The following PTGFR variants were observed in gnomAD, a reference collection of about 807,000 sequenced individuals.
PTGFR encodes the protein prostaglandin F2-alpha receptor.
In PTGFR, 15 loss-of-function variants were observed where a neutral mutation model predicts 26.2. The ratio of observed to expected loss-of-function variants is 0.57; its 90% CI spans 0.38 to 0.88. The LOEUF is 0.88. Among genes scored for constraint, PTGFR ranks in the 40% least tolerant of loss-of-function variants. PTGFR has a pLI of 0.00. For synonymous variants in PTGFR, 165 were observed against 151.1 expected (o/e 1.09, Z -0.68); for missense variants, 369 against 427.2 (o/e 0.86, Z 1.20).
At chr1:78,528,894 A>T (rs748134540) in intron 2 of PTGFR, among the ~76,000 whole-genome samples, 101 of 152,176 alleles carry the variant, frequency 6.6e-4, no homozygotes, top group Non-Finnish European at 2.5e-4. Context: ...CAACAAGTAG[A>T]TGGATGCTGA....
intron 1 of PTGFR, among the ~76,000 whole-genome samples, chr1:78,491,576 G>C (rs1649400114): frequency 6.6e-6 from 1 of 152,250 alleles, no homozygotes; most frequent in Admixed American, 6.5e-5. Context: ...CCCGGGATGA[G>C]GGAGAAAACA....
intron 2 of PTGFR, among the ~76,000 whole-genome samples, chr1:78,521,948 G>C (rs1376823865): frequency 6.6e-6 from 1 of 152,096 alleles, no homozygotes; most frequent in Non-Finnish European, 1.5e-5. Context: ...TTATCTCACA[G>C]TTCTGTAGGT....
rs1208465186 is a variant in PTGFR at position 78,538,658 on chromosome 1, G to T, written c.*1971G>T. 6.6e-6 allele frequency: 1 copy of T among 151,922 alleles called. No homozygotes were observed. Among genetic ancestry groups the T allele is most frequent in the Non-Finnish European group, 1.5e-5 (1 of 67,964 alleles). 9.4% of individuals were successfully genotyped at this position (151,922 alleles called of 1,614,324 possible). A position where few individuals can be genotyped will look rare whatever the true frequency, so the allele number is the denominator to read the frequency against. ...GAGTTTCATTTCTGTTATTATATGT[G>T]TTGCATGTAGCTTGGCGATTTACTG... On this transcript the variant is annotated 3_prime_UTR_variant, in exon 3 of 3. Coordinates refer to ENST00000370757, the MANE Select transcript of PTGFR (RefSeq NM_000959.4).
At chr1:78,498,297 C>T (rs889789120) in intron 2 of PTGFR, among the ~76,000 whole-genome samples, 1 of 152,110 alleles carries the variant, frequency 6.6e-6, no homozygotes, top group Non-Finnish European at 1.5e-5. Flanking sequence ...GTCTTGAGCA[C>T]TTGCCTCAAT....
At chr1:78,512,286 T>A (rs1397181590) in intron 2 of PTGFR, among the ~76,000 whole-genome samples, 3 of 152,188 alleles carry the variant, frequency 2.0e-5, no homozygotes, top group African/African-American at 7.2e-5. Context: ...AGTTCATTTT[T>A]TATATTGCTA....
chr1:78,492,890 C>A lies in PTGFR; in HGVS notation c.147C>A (p.Ala49=), dbSNP rs557932470. 273 of 1,614,242 alleles carry A rather than the reference C, an allele frequency of 1.7e-4. 4 individuals are homozygous for A. The South Asian group carries it at 2.8e-3, about 16-fold the overall frequency. ...TCTTGTCAAACAGCCTTGCCATCGC[C>A]ATTCTCATGAAGGCATATCAGAGAT... is the stretch of plus-strand genomic sequence containing the variant. ...VGILSNSLAI[A]ILMKAYQRFR... Residue 49 remains alanine, a synonymous_variant, in exon 2 of 3, where the codon GCC becomes GCA. Coordinates refer to ENST00000370757, the MANE Select transcript of PTGFR (RefSeq NM_000959.4).
At chr1:78,534,747 C>CT (rs1236253736) in intron 2 of PTGFR, among the ~76,000 whole-genome samples, 2 of 151,638 alleles carry the variant, frequency 1.3e-5, no homozygotes, top group African/African-American at 4.8e-5. Flanking sequence ...TGGCAATTTG[C>CT]TTTTTAAAAG....
chr1:78,497,227 A>G (rs184882842), intron 2 of PTGFR, among the ~76,000 whole-genome samples: 54 of 152,334 alleles, frequency 3.5e-4, no homozygotes, highest in Non-Finnish European at 4.4e-5. Context: ...TTTTTACAAT[A>G]TCTGGGTTTT....
At chr1:78,535,938 C>G (rs1313751862) in intron 2 of PTGFR, among the ~76,000 whole-genome samples, 3 of 152,054 alleles carry the variant, frequency 2.0e-5, no homozygotes, top group African/African-American at 7.2e-5. Flanking sequence ...AGTTAAGAAG[C>G]AGAAAATCTC....
chr1:78,521,393 A>T (rs933039343), intron 2 of PTGFR, among the ~76,000 whole-genome samples: 5 of 152,140 alleles, frequency 3.3e-5, no homozygotes, highest in African/African-American at 1.2e-4. Context: ...TGCCTGTGCC[A>T]TTCTGATTGA....
intron 2 of PTGFR, among the ~76,000 whole-genome samples, chr1:78,518,801 C>T (rs1047089823): frequency 1.3e-5 from 2 of 152,032 alleles, no homozygotes; most frequent in African/African-American, 4.8e-5. Flanking sequence ...CAGAGATTAT[C>T]ATTTTATTTT....
chr1:78,529,168 T>A (rs2100396214), intron 2 of PTGFR, among the ~76,000 whole-genome samples: 1 of 152,268 alleles, frequency 6.6e-6, no homozygotes, highest in South Asian at 2.1e-4. Context: ...AAAAACATAA[T>A]GTGTTATAGG....
chr1:78,521,206 C>A (rs1216823813), intron 2 of PTGFR, among the ~76,000 whole-genome samples: 1 of 152,084 alleles, frequency 6.6e-6, no homozygotes, highest in Non-Finnish European at 1.5e-5. Flanking sequence ...CATTCCTTTT[C>A]CCCCGATTAT....
At chr1:78,512,759 G>A (rs138550218) in intron 2 of PTGFR, among the ~76,000 whole-genome samples, 1 of 152,274 alleles carries the variant, frequency 6.6e-6, no homozygotes, top group African/African-American at 2.4e-5. Context: ...CCTGGTGAGA[G>A]GTGACAGAAT....
At position 78,538,164 on chromosome 1, in the gene PTGFR, G is replaced by T. The variant is rs1055775112; in HGVS notation, c.*1477G>T. On this transcript the variant is annotated 3_prime_UTR_variant, in exon 3 of 3. Coordinates refer to ENST00000370757, the MANE Select transcript of PTGFR (RefSeq NM_000959.4). ...AGTTACTTAAGAGTGTTGATGTCTT[G>T]TGAACAGAGATATAAGGAACCATTC... 6.6e-6 allele frequency: 1 copy of T among 152,042 alleles called. No homozygotes were observed. The highest frequency in any genetic ancestry group is 2.4e-5 in the African/African-American group (1 of 41,420). 9.4% of individuals were successfully genotyped at this position (152,042 alleles called of 1,614,324 possible). A position where few individuals can be genotyped will look rare whatever the true frequency, so the allele number is the denominator to read the frequency against.
rs1413539234 is a variant in PTGFR, at chr1:78,537,331, C to T, written c.*644C>T. 3 of 151,842 alleles carry T rather than the reference C, an allele frequency of 2.0e-5. No homozygotes were observed. The highest frequency in any genetic ancestry group is 2.9e-5 in the Non-Finnish European group (2 of 67,958). 9.4% of individuals were successfully genotyped at this position (151,842 alleles called of 1,614,324 possible). On this transcript the variant is annotated 3_prime_UTR_variant, in exon 3 of 3. Transcript: ENST00000370757. ...TGCCTACATTTATTATTATGAAGGT[C>T]GATTGTTGTTGGAAGTGTTTTTTCA... is the stretch of plus-strand genomic sequence containing the variant.
chr1:78,520,965 T>C (rs1333083182), intron 2 of PTGFR, among the ~76,000 whole-genome samples: 1 of 152,100 alleles, frequency 6.6e-6, no homozygotes, highest in Non-Finnish European at 1.5e-5. Context: ...GCAACAACTC[T>C]GAGTTCATGC....
At chr1:78,525,803 A>G (rs1338878281) in intron 2 of PTGFR, among the ~76,000 whole-genome samples, 2 of 152,048 alleles carry the variant, frequency 1.3e-5, no homozygotes, top group Admixed American at 1.3e-4. Context: ...AGAACTAATA[A>G]AGATACTCCT....
At chr1:78,497,780 C>A (rs1435059917) in intron 2 of PTGFR, 2 of 818,986 alleles carry the variant, frequency 2.4e-6, no homozygotes, top group East Asian at 2.7e-5. Context: ...TAATTTTAAT[C>A]TGTTCCCTAA....
Sources: allele counts gnomAD v4.1 joint callset (sites outside exome capture counted in the v4.1 genomes callset), GRCh38; gene constraint gnomAD v4.1.1; transcripts MANE v1.5; gene names NCBI Gene and HGNC (gene_info 2026-07-23, HGNC 2026-07-21).